RECQL5: variants seen among roughly 807,000 people sequenced by gnomAD.
The protein encoded by RECQL5 is ATP-dependent DNA helicase Q5.
A neutral mutation model predicts 103.4 loss-of-function variants in RECQL5; 88 were observed. The ratio of observed to expected loss-of-function variants is 0.85; its 90% CI spans 0.72 to 1.02. The LOEUF is 1.02. Among genes scored for constraint, RECQL5 ranks in the 50% least tolerant of loss-of-function variants. The pLI is 0.00. For synonymous variants in RECQL5, 552 were observed against 507.9 expected (o/e 1.09, Z -1.17); for missense variants, 1,232 against 1,284.3 (o/e 0.96, Z 0.62).
chr17:75,640,751 T>TC lies in RECQL5; in HGVS notation c.1230-9084dup. 6.5e-7 allele frequency: 1 copy of TC among 1,533,116 alleles called. No individual in the cohort carries two copies. The highest frequency in any genetic ancestry group is 8.8e-7 in the Non-Finnish European group (1 of 1,134,102). The allele number at this position is 1,533,116 out of a possible 1,614,324, so 95.0% of individuals were successfully genotyped here. ...GGGAGGAGGGTGGGCATCCTTTCTC[T>TC]CCCCCAACCTGAGTCCCGTGCTCTC... On this transcript the variant is annotated intron_variant, in intron 8 of 19. Transcript: ENST00000317905. This position sits in a 1 kb window ranked among gnomAD's most constrained non-coding sequence, Gnocchi z 4.6.
chr17:75,655,063 T>C (rs1163032886), intron 7 of RECQL5, among the ~76,000 whole-genome samples: 1 of 152,204 alleles, frequency 6.6e-6, no homozygotes, highest in African/African-American at 2.4e-5. Flanking sequence ...AGTGTTGGGA[T>C]TACAAGCATG....
At chr17:75,642,915 T>G (rs2059450069) in intron 8 of RECQL5, among the ~76,000 whole-genome samples, 1 of 152,254 alleles carries the variant, frequency 6.6e-6, no homozygotes, top group Non-Finnish European at 1.5e-5. Context: ...CCCAGGGCTC[T>G]GAGACCCAGA....
chr17:75,627,694 T>G lies in RECQL5; in HGVS notation c.2806-2A>C, dbSNP rs201841487. Reference sequence around the variant, plus strand: ...GCGGGCAAAGCCTTTAAACAACTCCTGGAAGGGAGAGGGAGAAGAGAAGCA... The same window carrying G: ...GCGGGCAAAGCCTTTAAACAACTCCGGGAAGGGAGAGGGAGAAGAGAAGCA... On this transcript the variant is annotated splice_acceptor_variant, in intron 18 of 19. Transcript: ENST00000317905. LOFTEE classifies it high-confidence loss of function. 1.2e-6 allele frequency: 2 copies of G among 1,602,198 alleles called. No individual in the cohort carries two copies. The highest frequency in any genetic ancestry group is 3.5e-5 in the Admixed American group (2 of 57,774).
chr17:75,640,987 C>A lies in RECQL5; in HGVS notation c.1230-9319G>T. The A allele has an allele frequency of 1.3e-6, 2 of 1,499,318 alleles. No individual in the cohort carries two copies. The highest frequency in any genetic ancestry group is 1.8e-6 in the Non-Finnish European group (2 of 1,121,164). The allele number at this position is 1,499,318 out of a possible 1,614,324, so 92.9% of individuals were successfully genotyped here. On this transcript the variant is annotated intron_variant, in intron 8 of 19. Coordinates refer to ENST00000317905, the MANE Select transcript of RECQL5 (RefSeq NM_004259.7). The surrounding 1 kb of genome is among the most constrained non-coding windows in gnomAD (Gnocchi z 4.6). ...GCCTGGCCCTGCAGCCCTTACCCCT[C>A]AAGACCAGGCTCCCCTGGCCCCAGC...
intron 8 of RECQL5, chr17:75,633,751 C>G: frequency 9.6e-7 from 1 of 1,042,420 alleles, no homozygotes; most frequent in Non-Finnish European, 1.2e-6. Context: ...CTGCAGGACT[C>G]CCCTCCACAG....
At chr17:75,650,619 G>C (rs1471423258) in intron 8 of RECQL5, 2 of 1,610,716 alleles carry the variant, frequency 1.2e-6, no homozygotes, top group African/African-American at 1.3e-5. Context: ...AACTCCTCCT[G>C]GGTGTCTCTC....
chr17:75,639,599 A>G (rs73366192), intron 8 of RECQL5: 11,732 of 152,368 alleles, frequency 0.077, 1,445 homozygotes, highest in African/African-American at 0.26. Flanking sequence ...CTGGAGGGAC[A>G]CGGTGCGGCC....
chr17:75,642,868 T>C (rs983634683), intron 8 of RECQL5, among the ~76,000 whole-genome samples: 3 of 152,192 alleles, frequency 2.0e-5, no homozygotes, highest in Admixed American at 2.0e-4. Flanking sequence ...CCTGCTTGAG[T>C]CCAGCCTATC....
At chr17:75,647,401 A>G (rs2059501876) in intron 8 of RECQL5, 3 of 1,549,664 alleles carry the variant, frequency 1.9e-6, no homozygotes, top group East Asian at 4.9e-5. Context: ...ATTCAAAGAG[A>G]CAATCTGGAA....
chr17:75,650,910 G>A (rs2059546874), intron 8 of RECQL5: 1 of 1,443,566 alleles, frequency 6.9e-7, no homozygotes, highest in Non-Finnish European at 9.1e-7. Context: ...TTGGAACTGA[G>A]TGGCTTGTGG....
At position 75,628,624 on chromosome 17, in the gene RECQL5, C is replaced by T. The variant is rs116361786; in HGVS notation, c.2580+48G>A. ...AGCAGGGCACAACAGCTCCTGGCCT[C>T]GCCCACAGCCCTTCTCTCCTCCCCA... is the stretch of plus-strand genomic sequence containing the variant. On this transcript the variant is annotated intron_variant, in intron 17 of 19. Coordinates refer to ENST00000317905, the MANE Select transcript of RECQL5 (RefSeq NM_004259.7). The T allele has an allele frequency of 6.0e-3, 9,303 of 1,538,738 alleles. 56 individuals carry two copies. Among genetic ancestry groups the T allele is most frequent in the African/African-American group, 0.015 (1,096 of 72,214 alleles).
intron 13 of RECQL5, 22 bp downstream of exon 13, chr17:75,630,597 G>A (rs748224582): frequency 6.1e-5 from 98 of 1,612,272 alleles, no homozygotes; most frequent in Non-Finnish European, 7.7e-5. Context: ...GTGCTCCTCA[G>A]CCCAGTGATC....
chr17:75,663,979 G>A (rs1046827862), intron 3 of RECQL5, among the ~76,000 whole-genome samples: 2 of 151,362 alleles, frequency 1.3e-5, no homozygotes, highest in Admixed American at 6.6e-5. Context: ...GCTTGAACCC[G>A]GGAGGCGGAG....
In RECQL5 at chr17:75,640,360, T is replaced by TC; in HGVS notation, c.1230-8693dup. ...TGGGGCACTCAGCACCCCATGGCTC[T>TC]CCCTGGCATCTGGGAGAGACCACAC... On this transcript the variant is annotated intron_variant, in intron 8 of 19. Transcript: ENST00000317905. The surrounding 1 kb of genome is among the most constrained non-coding windows in gnomAD (Gnocchi z 4.6). 2.0e-6 allele frequency: 3 copies of TC among 1,512,406 alleles called. No homozygotes were observed. Among genetic ancestry groups the TC allele is most frequent in the Non-Finnish European group, 2.7e-6 (3 of 1,124,842 alleles). 93.7% of individuals were successfully genotyped at this position (1,512,406 alleles called of 1,614,324 possible).
rs1488506686 is a variant in RECQL5, at chr17:75,628,978, C to T, written c.2445G>A (p.Ser815=). Residue 815 remains serine, a synonymous_variant, in exon 16 of 20, where the codon TCG becomes TCA. Transcript: ENST00000317905. ...ACTCCTCAGTCTGGGGAGGGGCAGG[C>T]GAATGTCCCCCGGCTCCATCTTCCT... ...TGEEDGAGGH[S]PAPPQTEECL... 6.4e-7 allele frequency: 1 copy of T among 1,563,600 alleles called. No individual in the cohort carries two copies. The highest frequency in any genetic ancestry group is 8.6e-7 in the Non-Finnish European group (1 of 1,157,918).
intron 18 of RECQL5, 25 bp from the exon 19 acceptor site, chr17:75,627,717 G>A (rs2059123437): frequency 6.3e-7 from 1 of 1,585,444 alleles, no homozygotes; most frequent in East Asian, 2.3e-5. Flanking sequence ...GAGAAGAGAA[G>A]CAGAGAGCAG....
intron 7 of RECQL5, among the ~76,000 whole-genome samples, chr17:75,654,169 T>C (rs2059588974): frequency 6.6e-6 from 1 of 152,280 alleles, no homozygotes; most frequent in South Asian, 2.1e-4. Context: ...TGATCACATT[T>C]CCTTTCTTGT....
intron 7 of RECQL5, among the ~76,000 whole-genome samples, chr17:75,655,953 A>G (rs1354257659): frequency 6.6e-6 from 1 of 152,148 alleles, no homozygotes; most frequent in African/African-American, 2.4e-5. Context: ...AAGTGCTGGG[A>G]TTACAGGCAA....
At chr17:75,635,372 A>G (rs958843125) in intron 8 of RECQL5, among the ~76,000 whole-genome samples, 3 of 152,182 alleles carry the variant, frequency 2.0e-5, no homozygotes, top group African/African-American at 7.2e-5. Context: ...TCCTGCATCC[A>G]CAGGACACGA....
Sources: gnomAD v4.1 joint callset for allele counts (sites outside exome capture counted in the v4.1 genomes callset) on GRCh38, gnomAD v4.1.1 for gene constraint, Gnocchi (gnomAD v3.1) non-coding constraint, MANE v1.5 for transcripts, NCBI Gene and HGNC (gene_info 2026-07-23, HGNC 2026-07-21) for gene names.